Variants in HSPA12B observed in about 807,000 individuals in gnomAD.
HSPA12B encodes the protein heat shock protein family A (Hsp70) member 12B, also known as heat shock 70 kDa protein 12B.
HSPA12B carries 54 observed loss-of-function variants against 69.3 expected under a neutral mutation model. That is an observed-to-expected ratio of 0.78 (90% CI 0.63 to 0.98). The LOEUF (loss-of-function observed/expected upper bound fraction) is 0.98, where lower values mean the gene tolerates loss of function less well. HSPA12B is among the 50% of genes least tolerant of loss of function. The pLI is 0.00. For missense variants in HSPA12B, 929 were observed against 999.8 expected (o/e 0.93, Z 0.96); for synonymous variants, 441 against 436.5 (o/e 1.01, Z -0.13).
At position 3,752,271 on chromosome 20, in the gene HSPA12B, T is replaced by G; in HGVS notation, c.*105T>G. ...CGGGGGAAACGATAGTTCTGCAGTC[T>G]GCGCCTTTCCACGCCCTCCAGCCCC... On this transcript the variant is annotated 3_prime_UTR_variant, in exon 13 of 13. Coordinates refer to ENST00000254963, the MANE Select transcript of HSPA12B (RefSeq NM_052970.5). 1 of 1,146,688 alleles carries G rather than the reference T, an allele frequency of 8.7e-7. No individual in the cohort carries two copies. The highest frequency in any genetic ancestry group is 1.9e-5 in the South Asian group (1 of 53,298). The allele number at this position is 1,146,688 out of a possible 1,614,324, so 71.0% of individuals were successfully genotyped here.
chr20:3,744,888 C>T lies in HSPA12B; in HGVS notation c.267-14C>T. Reference sequence around the variant, plus strand: ...AGAAGGGAGGGTTGCACTGACTGCCCTGTGCCTCCGCAGGAAATGGGAGGG... The same window carrying T: ...AGAAGGGAGGGTTGCACTGACTGCCTTGTGCCTCCGCAGGAAATGGGAGGG... On this transcript the variant is annotated splice_polypyrimidine_tract_variant and intron_variant, in intron 4 of 12. Coordinates refer to ENST00000254963, the MANE Select transcript of HSPA12B (RefSeq NM_052970.5). The surrounding 1 kb of genome is among the most constrained non-coding windows in gnomAD (Gnocchi z 4.9). 1.2e-6 allele frequency: 2 copies of T among 1,610,542 alleles called. No homozygotes were observed. The highest frequency in any genetic ancestry group is 1.7e-6 in the Non-Finnish European group (2 of 1,179,528).
At position 3,749,436 on chromosome 20, in the gene HSPA12B, C is replaced by T; in HGVS notation, c.937+118C>T. On this transcript the variant is annotated intron_variant, in intron 9 of 12. Transcript: ENST00000254963. This position sits in a 1 kb window ranked among gnomAD's most constrained non-coding sequence, Gnocchi z 5.5. ...TCCTCCTCCATTCGCTGTACCCAAC[C>T]TGGCCGTCCCCTCACAGTCACCCGC... is the stretch of plus-strand genomic sequence containing the variant. 2 of 958,088 alleles carry T rather than the reference C, an allele frequency of 2.1e-6. No individual in the cohort carries two copies. The highest frequency in any genetic ancestry group is 3.2e-6 in the Non-Finnish European group (2 of 632,464). The allele number at this position is 958,088 out of a possible 1,614,324, so 59.3% of individuals were successfully genotyped here.
In HSPA12B at chr20:3,752,023, G is replaced by A. The variant is rs1401776528; in HGVS notation, c.1918G>A (p.Gly640Ser). 6.4e-7 allele frequency: 1 copy of A among 1,561,560 alleles called. No homozygotes were observed. Among genetic ancestry groups the A allele is most frequent in the Admixed American group, 1.8e-5 (1 of 55,478 alleles). Residue 640 changes from glycine to serine, a missense_variant, in exon 13 of 13, where the codon GGC becomes AGC. Gly to Ser is a moderately conservative substitution (Grantham distance 56). Coordinates refer to ENST00000254963, the MANE Select transcript of HSPA12B (RefSeq NM_052970.5). ...LSLELEPADC[G>S]QDTAGAPPGR... ...CCTCGAGCTTGAGCCCGCCGACTGCGGCCAGGACACCGCCGGCGCGCCTCC... is the reference window on the plus strand; with the variant it reads ...CCTCGAGCTTGAGCCCGCCGACTGCAGCCAGGACACCGCCGGCGCGCCTCC...
chr20:3,745,094 T>A lies in HSPA12B; in HGVS notation c.453+6T>A. 1 of 1,596,974 alleles carries A rather than the reference T, an allele frequency of 6.3e-7. No individual in the cohort carries two copies. Among genetic ancestry groups the A allele is most frequent in the Non-Finnish European group, 8.5e-7 (1 of 1,170,696 alleles). On this transcript the variant is annotated splice_donor_region_variant and intron_variant, in intron 5 of 12. Coordinates refer to ENST00000254963, the MANE Select transcript of HSPA12B (RefSeq NM_052970.5). This position sits in a 1 kb window ranked among gnomAD's most constrained non-coding sequence, Gnocchi z 5.6. The stretch of plus-strand genomic sequence containing the variant: ...TGAAGATCCACAGCGCCACGGTGAG[T>A]CACAGGGCTCCAGACAGGGAGGCGG...
chr20:3,735,790 C>G (rs2088099932), intron 1 of HSPA12B, among the ~76,000 whole-genome samples: 1 of 151,926 alleles, frequency 6.6e-6, no homozygotes, highest in African/African-American at 2.4e-5. Flanking sequence ...TCTGGTGGTT[C>G]TAGGTTGTTT....
rs75744682 is a variant in HSPA12B at position 3,737,166 on chromosome 20, C to A, written c.-17-1492C>A. 0.076 allele frequency among the ~76,000 whole-genome samples: 11,632 copies of A among 152,274 alleles called. 638 individuals carry two copies. Among genetic ancestry groups the A allele is most frequent in the Middle Eastern group, 0.13 (39 of 294 alleles). On this transcript the variant is annotated intron_variant, in intron 1 of 12. Transcript: ENST00000254963. The surrounding 1 kb of genome is among the most constrained non-coding windows in gnomAD (Gnocchi z 4.1). ...GGGGCCTGAGGTTCTGCATTTCTAA[C>A]AAGCTTCCAGGTGATACCAATGCTG...
chr20:3,738,412 T>C (rs1002235935), intron 1 of HSPA12B, among the ~76,000 whole-genome samples: 2 of 152,174 alleles, frequency 1.3e-5, no homozygotes, highest in African/African-American at 4.8e-5. Context: ...TGTGGGACTT[T>C]AGATGAGATT....
chr20:3,749,874 C>G lies in HSPA12B; in HGVS notation c.1042+20C>G. The G allele has an allele frequency of 6.3e-7, 1 of 1,580,058 alleles. No homozygotes were observed. Among genetic ancestry groups the G allele is most frequent in the South Asian group, 1.1e-5 (1 of 87,766 alleles). The stretch of plus-strand genomic sequence containing the variant: ...CATCTGGTGAGTAGCCAGGCGGCGC[C>G]CCGGTACCCAGCGCGACCCGGGCTC... On this transcript the variant is annotated intron_variant, in intron 10 of 12. Transcript: ENST00000254963. The surrounding 1 kb of genome is among the most constrained non-coding windows in gnomAD (Gnocchi z 5.5).
At chr20:3,739,948 G>GCAAT (rs1419244311) in intron 2 of HSPA12B, among the ~76,000 whole-genome samples, 2 of 152,194 alleles carry the variant, frequency 1.3e-5, no homozygotes, top group African/African-American at 2.4e-5. Context: ...ATGCCCCTTA[G>GCAAT]CAATGCCCAG....
rs966229109 is a variant in HSPA12B at position 3,749,678 on chromosome 20, C to A, written c.938-72C>A. 2 of 1,158,404 alleles carry A rather than the reference C, an allele frequency of 1.7e-6. No homozygotes were observed. The highest frequency in any genetic ancestry group is 2.4e-6 in the Non-Finnish European group (2 of 824,222). 71.8% of individuals were successfully genotyped at this position (1,158,404 alleles called of 1,614,324 possible). A position where few individuals can be genotyped will look rare whatever the true frequency, so the allele number is the denominator to read the frequency against. The stretch of plus-strand genomic sequence containing the variant: ...ACCCGGGGCAGGGCTGGAGGCTGGG[C>A]GAGGCTGGAGGGGGCGCAGGGCTGA... On this transcript the variant is annotated intron_variant, in intron 9 of 12. Coordinates refer to ENST00000254963, the MANE Select transcript of HSPA12B (RefSeq NM_052970.5). The surrounding 1 kb of genome is among the most constrained non-coding windows in gnomAD (Gnocchi z 5.5).
intron 11 of HSPA12B, 77 bp downstream of exon 11, chr20:3,750,304 A>G (rs2088392582): frequency 1.4e-6 from 2 of 1,399,948 alleles, no homozygotes. Flanking sequence ...CCCGGGCCCC[A>G]AGGAACGGTG....
At chr20:3,739,098 T>C (rs1201241319) in intron 2 of HSPA12B, among the ~76,000 whole-genome samples, 2 of 152,196 alleles carry the variant, frequency 1.3e-5, no homozygotes, top group African/African-American at 4.8e-5. Flanking sequence ...GGACCCTGTG[T>C]GAGTGTGTCA....
In HSPA12B at chr20:3,748,292, C is replaced by T. The variant is rs150573779; in HGVS notation, c.751C>T (p.Arg251Cys). The change falls in exon 8 of 13, where the codon CGC (arginine) becomes TGC (cysteine). Residue 251 changes from arginine to cysteine, a missense_variant. Coordinates refer to ENST00000254963, the MANE Select transcript of HSPA12B (RefSeq NM_052970.5). ...LEPEAASVYC[R>C]KLRLHQLLDL... ...GCCCGAGGCCGCCTCGGTATACTGC[C>T]GCAAGCTGCGCCTGCACCAGCTCCT... is the stretch of plus-strand genomic sequence containing the variant. 143 of 1,611,794 alleles carry T rather than the reference C, an allele frequency of 8.9e-5. No homozygotes were observed. Among genetic ancestry groups the T allele is most frequent in the Non-Finnish European group, 1.1e-4 (135 of 1,179,084 alleles).
chr20:3,734,943 G>A (rs769529716), intron 1 of HSPA12B, among the ~76,000 whole-genome samples: 3 of 151,834 alleles, frequency 2.0e-5, no homozygotes, highest in Non-Finnish European at 4.4e-5. Context: ...TTTTGCTGTT[G>A]CCCAGGCTGG....
chr20:3,745,153 T>C lies in HSPA12B; in HGVS notation c.453+65T>C, dbSNP rs1398638771. On this transcript the variant is annotated intron_variant, in intron 5 of 12. Coordinates refer to ENST00000254963, the MANE Select transcript of HSPA12B (RefSeq NM_052970.5). This position sits in a 1 kb window ranked among gnomAD's most constrained non-coding sequence, Gnocchi z 5.6. ...TGGAAAAGGGCAGGGCTAATGGGGG[T>C]GGGTGGGACAAAACCAAAACGTGTG... 1.2e-5 allele frequency: 10 copies of C among 814,284 alleles called. No homozygotes were observed. The highest frequency in any genetic ancestry group is 1.0e-4 in the Admixed American group (5 of 47,786). 50.4% of individuals were successfully genotyped at this position (814,284 alleles called of 1,614,324 possible).
chr20:3,750,572 C>A (rs2088399643), intron 11 of HSPA12B: 5 of 743,184 alleles, frequency 6.7e-6, no homozygotes, highest in Non-Finnish European at 8.2e-6. Flanking sequence ...AGGCCCCTCC[C>A]AGGACCTCGT....
At chr20:3,733,662 C>T (rs1356260682) in intron 1 of HSPA12B, among the ~76,000 whole-genome samples, 6 of 152,212 alleles carry the variant, frequency 3.9e-5, no homozygotes, top group Admixed American at 3.9e-4. Context: ...GGGCTCCTCT[C>T]CAGAACAGAG....
chr20:3,750,123 C>T lies in HSPA12B; in HGVS notation c.1197C>T (p.Gly399=), dbSNP rs1466678536. The change falls in exon 11 of 13, where the codon GGC becomes GGT. Residue 399 remains glycine (G), a synonymous_variant. Coordinates refer to ENST00000254963, the MANE Select transcript of HSPA12B (RefSeq NM_052970.5). ...TCGAGGCTCGCAAGCGCACTGCTGG[C>T]CCACACCGTGCAGGGGCGCTCAACA... ...IAFEARKRTA[G]PHRAGALNIS... is the part of the protein sequence containing the mutation. The T allele has an allele frequency of 6.2e-7, 1 of 1,612,174 alleles. No homozygotes were observed.
intron 11 of HSPA12B, chr20:3,750,559 G>A: frequency 3.3e-6 from 2 of 597,196 alleles, no homozygotes; most frequent in East Asian, 1.4e-4. Flanking sequence ...CCAAAGCAAG[G>A]GGAGGCCCCT....
Sources: gnomAD v4.1 joint callset for allele counts (sites outside exome capture counted in the v4.1 genomes callset) on GRCh38, gnomAD v4.1.1 for gene constraint, Gnocchi (gnomAD v3.1) non-coding constraint, MANE v1.5 for transcripts, NCBI Gene and HGNC (gene_info 2026-07-23, HGNC 2026-07-21) for gene names.